INCENP: variants seen among roughly 807,000 people sequenced by gnomAD.
INCENP encodes binds and activates aurora-B and -C in vivo and in vitro.
A neutral mutation model predicts 107.3 loss-of-function variants in INCENP; 43 were observed. The observed-to-expected ratio is 0.40, with a 90% CI of 0.31 to 0.52. The LOEUF is 0.52. Ranked by LOEUF, INCENP falls within the 20% of genes least tolerant of loss-of-function variation. The pLI is 0.53. For missense variants in INCENP, 1,089 were observed against 1,250.9 expected (o/e 0.87, Z 1.95); for synonymous variants, 488 against 494.4 (o/e 0.99, Z 0.17).
chr11:62,141,582 G>A (rs991593920), intron 11 of INCENP, 71 bp downstream of exon 11: 11 of 1,565,288 alleles, frequency 7.0e-6, no homozygotes, highest in East Asian at 6.7e-5. Flanking sequence ...CCTTCCCTGC[G>A]TAGCTGACAG....
intron 4 of INCENP, among the ~76,000 whole-genome samples, chr11:62,135,098 G>T (rs1943964127): frequency 6.6e-6 from 1 of 152,128 alleles, no homozygotes; most frequent in Admixed American, 6.5e-5. Context: ...TAGACGTGTA[G>T]TTGGGAAAGG....
Position 62,140,987 on chromosome 11 carries a change from A to G in INCENP, c.1536A>G (p.Pro512=). The change falls in exon 10 of 19, where the codon CCA becomes CCG. Residue 512 remains proline (P), a synonymous_variant. Transcript: ENST00000394818. ...NQMLMTPTSA[P]RSVMKSFIKR... is the part of the protein sequence containing the mutation. ...TGCTCATGACCCCGACCTCAGCCCC[A>G]CGCAGCGTCATGAAGTCCTTTATTA... The G allele has an allele frequency of 6.2e-7, 1 of 1,614,172 alleles. No homozygotes were observed. Among genetic ancestry groups the G allele is most frequent in the Non-Finnish European group, 8.5e-7 (1 of 1,180,034 alleles).
chr11:62,150,518 G>C (rs1565104432), intron 18 of INCENP, among the ~76,000 whole-genome samples: 1 of 152,190 alleles, frequency 6.6e-6, no homozygotes, highest in Non-Finnish European at 1.5e-5. Context: ...CCCTTCCTTA[G>C]AGTCCCATCC....
At chr11:62,137,788 G>C in intron 4 of INCENP, 44 bp from the exon 5 acceptor site, 1 of 1,591,692 alleles carries the variant, frequency 6.3e-7, no homozygotes, top group African/African-American at 1.3e-5. Context: ...TGGGACCTGT[G>C]TGGTCTCTGA....
chr11:62,132,722 C>T (rs900542644), intron 4 of INCENP, among the ~76,000 whole-genome samples: 8 of 152,162 alleles, frequency 5.3e-5, no homozygotes, highest in Admixed American at 2.0e-4. Context: ...TACCCTTTCC[C>T]TGCCCATGAA....
At chr11:62,128,512 C>T (rs963592099) in intron 2 of INCENP, among the ~76,000 whole-genome samples, 3 of 152,242 alleles carry the variant, frequency 2.0e-5, no homozygotes, top group Non-Finnish European at 4.4e-5. Context: ...CTTGCCTATT[C>T]GCCATCGTTG....
intron 11 of INCENP, among the ~76,000 whole-genome samples, chr11:62,142,424 G>T (rs1166674849): frequency 2.0e-5 from 3 of 152,232 alleles, no homozygotes; most frequent in African/African-American, 2.4e-5. Context: ...AGCCCTGCAG[G>T]TCTCACAGGG....
chr11:62,137,551 C>T (rs1214382474), intron 4 of INCENP, among the ~76,000 whole-genome samples: 2 of 152,144 alleles, frequency 1.3e-5, no homozygotes, highest in Non-Finnish European at 2.9e-5. Flanking sequence ...AAACATTGTC[C>T]CTCTTCTCGA....
At position 62,140,550 on chromosome 11, in the gene INCENP, G is replaced by A. The variant is rs61893680; in HGVS notation, c.1344-154G>A. ...TTGGACTGTTCACCTCCCTTCCTCT[G>A]AGTGGGCAGCAGAGGGTTGCTTAGG... is the stretch of plus-strand genomic sequence containing the variant. On this transcript the variant is annotated intron_variant, in intron 8 of 18. Transcript: ENST00000394818. 0.042 allele frequency among the ~76,000 whole-genome samples: 6,386 copies of A among 152,318 alleles called. 153 individuals carry two copies. Among genetic ancestry groups the A allele is most frequent in the Non-Finnish European group, 0.05 (3,425 of 68,014 alleles).
At chr11:62,150,868 C>T (rs1792895) in intron 18 of INCENP, among the ~76,000 whole-genome samples, 3,312 of 152,210 alleles carry the variant, frequency 0.022, 126 homozygotes, top group African/African-American at 0.075. Flanking sequence ...GTTGCTGAGC[C>T]GGAAGTCAGG....
rs1565105423 is a variant in INCENP at position 62,151,932 on chromosome 11, GC to G, written c.2715del (p.Arg906GlyfsTer10). 3 of 1,612,940 alleles carry G rather than the reference GC, an allele frequency of 1.9e-6. No individual in the cohort carries two copies. Among genetic ancestry groups the G allele is most frequent in the Non-Finnish European group, 2.5e-6 (3 of 1,180,016 alleles). On this transcript the variant is annotated frameshift_variant, in exon 19 of 19. Transcript: ENST00000394818. LOFTEE classifies it high-confidence loss of function. ...CTGGAACTCACCGCCCCTGCAGGGCGCCAGGGTCCCCAGCAGCCTGGCCTAC... is the reference window on the plus strand; with the variant it reads ...CTGGAACTCACCGCCCCTGCAGGGCGCAGGGTCCCCAGCAGCCTGGCCTAC... ...AVWNSPPLQG[A>X]RVPSSLAYSL...
At chr11:62,137,767 AC>A (rs1565095797) in intron 4 of INCENP, 64 bp from the exon 5 acceptor site, 1 of 1,476,266 alleles carries the variant, frequency 6.8e-7, no homozygotes, top group Non-Finnish European at 9.5e-7. Context: ...GGTCCCCTGG[AC>A]CCCTTAGAGT....
At chr11:62,149,853 C>T (rs748259041) in intron 17 of INCENP, among the ~76,000 whole-genome samples, 2 of 149,420 alleles carry the variant, frequency 1.3e-5, no homozygotes, top group East Asian at 2.0e-4. Context: ...ACCTGGGAGG[C>T]GGAGGTTGCA....
chr11:62,145,417 C>T (rs537889964), intron 13 of INCENP, 128 bp downstream of exon 13: 18 of 1,414,532 alleles, frequency 1.3e-5, no homozygotes, highest in Non-Finnish European at 1.7e-5. Context: ...CCCATGGGCC[C>T]TGGAGTCCAC....
rs889210879 is a variant in INCENP at position 62,138,752 on chromosome 11, G to A, written c.1155G>A (p.Val385=). The A allele has an allele frequency of 2.5e-6, 4 of 1,613,976 alleles. No homozygotes were observed. The African/African-American group carries it at 5.3e-5, about 22-fold the overall frequency. Residue 385 remains valine, a synonymous_variant, in exon 6 of 19, where the codon GTG becomes GTA. Coordinates refer to ENST00000394818, the MANE Select transcript of INCENP (RefSeq NM_001040694.2). ...AACCCCCCGAGGAGGCTGAGCCTGT[G>A]GCGGCAGCTGAGCCAGAGGTAAGAC... ...QKEPPEEAEP[V]AAAEPEVPEN...
rs371751893 is a variant in INCENP at position 62,140,988 on chromosome 11, C to T, written c.1537C>T (p.Arg513Cys). The change falls in exon 10 of 19, where the codon CGC becomes TGC. Residue 513 changes from arginine to cysteine, a missense_variant. By Grantham distance (180) the Arg-to-Cys change is radical. Transcript: ENST00000394818. ...GCTCATGACCCCGACCTCAGCCCCA[C>T]GCAGCGTCATGAAGTCCTTTATTAA... is the stretch of plus-strand genomic sequence containing the variant. ...QMLMTPTSAP[R>C]SVMKSFIKRN... 5 of 1,614,112 alleles carry T rather than the reference C, an allele frequency of 3.1e-6. No individual in the cohort carries two copies. Among genetic ancestry groups the T allele is most frequent in the East Asian group, 2.2e-5 (1 of 44,892 alleles).
intron 7 of INCENP, among the ~76,000 whole-genome samples, chr11:62,139,513 G>C (rs370935559): frequency 6.6e-6 from 1 of 152,234 alleles, no homozygotes; most frequent in South Asian, 2.1e-4. Context: ...GTGCACTGTA[G>C]CTGTGAGATC....
At chr11:62,149,863 A>T (rs1271991026) in intron 17 of INCENP, among the ~76,000 whole-genome samples, 194 bp from the exon 18 acceptor site, 2 of 151,272 alleles carry the variant, frequency 1.3e-5, no homozygotes, top group African/African-American at 4.9e-5. Context: ...CGGAGGTTGC[A>T]GTGAGCCGAG....
rs113310761 is a variant in INCENP at position 62,129,885 on chromosome 11, G to C, written c.358G>C (p.Val120Leu). Residue 120 changes from valine (V) to leucine (L), a missense_variant, in exon 4 of 19, where the codon GTC (valine) becomes CTC (leucine). By Grantham distance (32) the Val-to-Leu change is conservative. Coordinates refer to ENST00000394818, the MANE Select transcript of INCENP (RefSeq NM_001040694.2). ...LATVVGENGS[V>L]LRRVTRAAAA... ...TACAGTGGTCGGGGAGAACGGCTCC[G>C]TCCTGCGGCGTGTGACCCGTGCTGC... is the stretch of plus-strand genomic sequence containing the variant. 1.8e-4 allele frequency: 287 copies of C among 1,613,622 alleles called. 2 individuals carry two copies. The African/African-American group carries it at 3.6e-3, about 20-fold the overall frequency.
Sources: allele counts gnomAD v4.1 joint callset (sites outside exome capture counted in the v4.1 genomes callset), GRCh38; gene constraint gnomAD v4.1.1; transcripts MANE v1.5; gene names NCBI Gene and HGNC (gene_info 2026-07-23, HGNC 2026-07-21).